SPIDR: variants seen among roughly 807,000 people sequenced by gnomAD.
SPIDR encodes the protein scaffold protein involved in DNA repair, also known as DNA repair-scaffolding protein.
Under a neutral mutation model 104.6 loss-of-function variants are expected in SPIDR, and 93 were observed. The observed-to-expected ratio is 0.89, with a 90% CI of 0.75 to 1.06. The LOEUF is 1.06. Among genes scored for constraint, SPIDR ranks in the 50% least tolerant of loss-of-function variants. The pLI, the probability that SPIDR is intolerant of heterozygous loss-of-function variation, is 0.00. For synonymous variants in SPIDR, 431 were observed against 416.9 expected (o/e 1.03, Z -0.41); for missense variants, 1,154 against 1,111.2 (o/e 1.04, Z -0.55).
At chr8:47,735,257 A>T (rs928691204) in intron 19 of SPIDR, 50 bp from the exon 20 acceptor site, 2 of 1,580,862 alleles carry the variant, frequency 1.3e-6, no homozygotes, top group African/African-American at 2.7e-5. Flanking sequence ...TGTTGGGAAC[A>T]GTACGTCCCA....
intron 1 of SPIDR, among the ~76,000 whole-genome samples, chr8:47,278,393 C>T (rs1289806877): frequency 2.0e-5 from 3 of 151,414 alleles, no homozygotes; most frequent in African/African-American, 7.3e-5. Context: ...AATCATGGCT[C>T]ACTGCAGCCT....
Position 47,284,136 on chromosome 8 carries a change from T to G in SPIDR, c.256+42T>G, listed in dbSNP as rs1210802857. 2.7e-6 allele frequency: 4 copies of G among 1,468,640 alleles called. No individual in the cohort carries two copies. In the African/African-American group the frequency reaches 5.6e-5, roughly 21 times the overall value. The allele number at this position is 1,468,640 out of a possible 1,614,324, so 91.0% of individuals were successfully genotyped here. A position where few individuals can be genotyped will look rare whatever the true frequency, so the allele number is the denominator to read the frequency against. On this transcript the variant is annotated intron_variant, in intron 3 of 19. Coordinates refer to ENST00000297423, the MANE Select transcript of SPIDR (RefSeq NM_001080394.4). ...TTTCTTGACAGAGAAGATATAAGAC[T>G]AATAAATCCTTCTGTGATTATTTTA...
At chr8:47,319,719 A>G (rs1224470784) in intron 5 of SPIDR, among the ~76,000 whole-genome samples, 2 of 152,224 alleles carry the variant, frequency 1.3e-5, no homozygotes, top group Non-Finnish European at 2.9e-5. Flanking sequence ...AGCAAATGTT[A>G]AAAGAACAGA....
At chr8:47,505,584 C>T (rs1031667751) in intron 8 of SPIDR, among the ~76,000 whole-genome samples, 9 of 152,244 alleles carry the variant, frequency 5.9e-5, no homozygotes, top group Admixed American at 1.3e-4. Context: ...TTGCGCTTCC[C>T]GGGTGAGGCA....
intron 8 of SPIDR, among the ~76,000 whole-genome samples, chr8:47,478,032 A>G (rs1049163188): frequency 6.6e-6 from 1 of 152,176 alleles, no homozygotes; most frequent in African/African-American, 2.4e-5. Context: ...GGTTGAAGCT[A>G]GAGTTGAAGG....
intron 10 of SPIDR, among the ~76,000 whole-genome samples, chr8:47,664,743 C>CAAAAAAAAA (rs771963348): frequency 3.1e-5 from 2 of 63,528 alleles, no homozygotes; most frequent in African/African-American, 1.5e-4. Flanking sequence ...CCCATCTCTA[C>CAAAAAAAAA]AAAAAAAAAA....
chr8:47,341,150 G>A (rs2050686327), intron 5 of SPIDR, among the ~76,000 whole-genome samples: 1 of 152,174 alleles, frequency 6.6e-6, no homozygotes, highest in Non-Finnish European at 1.5e-5. Flanking sequence ...GCTAACTCAG[G>A]TAGTTAATGT....
Position 47,380,211 on chromosome 8 carries a change from G to C in SPIDR, c.526-16165G>C, listed in dbSNP as rs181598498. 2.0e-5 allele frequency among the ~76,000 whole-genome samples: 3 copies of C among 152,320 alleles called. 1 individual carries two copies. In the East Asian group the frequency reaches 5.8e-4, roughly 29 times the overall value. On this transcript the variant is annotated intron_variant, in intron 5 of 19. Coordinates refer to ENST00000297423, the MANE Select transcript of SPIDR (RefSeq NM_001080394.4). ...AGCCTGCACCACAGCAACGCGTGCTGCCCCTGCCTGGGCCTGGCAGAAGGC... is the reference window on the plus strand; with the variant it reads ...AGCCTGCACCACAGCAACGCGTGCTCCCCCTGCCTGGGCCTGGCAGAAGGC...
intron 8 of SPIDR, among the ~76,000 whole-genome samples, chr8:47,540,924 G>A (rs2087988088): frequency 6.6e-6 from 1 of 152,124 alleles, no homozygotes; most frequent in Non-Finnish European, 1.5e-5. Flanking sequence ...CAGTGGCGCG[G>A]TCTCAGCTCA....
At chr8:47,420,776 T>C (rs1019688204) in intron 7 of SPIDR, among the ~76,000 whole-genome samples, 3 of 152,246 alleles carry the variant, frequency 2.0e-5, no homozygotes, top group Admixed American at 6.5e-5. Context: ...TCATGTTTAG[T>C]GCTTCCTTCA....
At chr8:47,436,081 G>C (rs2068259134) in intron 7 of SPIDR, among the ~76,000 whole-genome samples, 1 of 152,196 alleles carries the variant, frequency 6.6e-6, no homozygotes, top group Non-Finnish European at 1.5e-5. Flanking sequence ...AGAGCTGATG[G>C]CAGTGACAGT....
intron 7 of SPIDR, among the ~76,000 whole-genome samples, chr8:47,427,325 GCC>G: frequency 6.7e-6 from 1 of 149,050 alleles, no homozygotes; most frequent in South Asian, 2.1e-4. Context: ...TTTTAAATAT[GCC>G]TTTTACAAAA....
At chr8:47,330,739 TTATC>T (rs1299647622) in intron 5 of SPIDR, 2 of 455,988 alleles carry the variant, frequency 4.4e-6, no homozygotes, top group African/African-American at 4.0e-5. Context: ...ATATAACACT[TTATC>T]CATTCATCTA....
Position 47,720,760 on chromosome 8 carries a change from T to A in SPIDR, c.2342-6440T>A, listed in dbSNP as rs1199698709. 2.0e-5 allele frequency among the ~76,000 whole-genome samples: 3 copies of A among 149,884 alleles called. 1 individual carries two copies. On this transcript the variant is annotated intron_variant, in intron 16 of 19. Transcript: ENST00000297423. ...AGTTCATGGCTTGTCTTTTCATACT[T>A]TTTTTTTTCTTTTTTGAGATGGAGT... is the stretch of plus-strand genomic sequence containing the variant.
intron 1 of SPIDR, among the ~76,000 whole-genome samples, chr8:47,268,094 C>T (rs1464867936): frequency 6.6e-6 from 1 of 152,132 alleles, no homozygotes; most frequent in East Asian, 1.9e-4. Flanking sequence ...AAAAATTGTT[C>T]TTTCTCCTTG....
At chr8:47,275,137 T>C (rs2036142091) in intron 1 of SPIDR, among the ~76,000 whole-genome samples, 1 of 151,548 alleles carries the variant, frequency 6.6e-6, no homozygotes, top group Non-Finnish European at 1.5e-5. Flanking sequence ...GGGGCGCCTG[T>C]AGTCCCAGCT....
intron 8 of SPIDR, among the ~76,000 whole-genome samples, chr8:47,456,013 G>A (rs1480073706): frequency 6.6e-6 from 1 of 152,132 alleles, no homozygotes; most frequent in East Asian, 1.9e-4. Flanking sequence ...CCTAACATGT[G>A]TAAAACATTC....
intron 5 of SPIDR, among the ~76,000 whole-genome samples, chr8:47,392,350 C>T (rs994960837): frequency 6.6e-6 from 1 of 152,142 alleles, no homozygotes; most frequent in African/African-American, 2.4e-5. Flanking sequence ...GTGGTCTTCT[C>T]CATTTCTACA....
intron 19 of SPIDR, among the ~76,000 whole-genome samples, chr8:47,734,161 C>T (rs754614243): frequency 1.3e-5 from 2 of 152,136 alleles, no homozygotes; most frequent in Non-Finnish European, 2.9e-5. Flanking sequence ...CCCCCAAGGC[C>T]GGTGGGAGTC....
Sources: allele counts gnomAD v4.1 joint callset (sites outside exome capture counted in the v4.1 genomes callset), GRCh38; gene constraint gnomAD v4.1.1; transcripts MANE v1.5; gene names NCBI Gene and HGNC (gene_info 2026-07-23, HGNC 2026-07-21).